ITGB3BP: variants seen among roughly 807,000 people sequenced by gnomAD.
ITGB3BP encodes the protein centromere protein R.
In ITGB3BP, 27 loss-of-function variants were observed where a neutral mutation model predicts 29.1. That is an observed-to-expected ratio of 0.93 (90% CI 0.68 to 1.28). The LOEUF (loss-of-function observed/expected upper bound fraction) is 1.28, where lower values mean the gene tolerates loss of function less well. ITGB3BP is among the 50% of genes most tolerant of loss of function. ITGB3BP has a pLI of 0.00. For missense variants in ITGB3BP, 192 were observed against 200.2 expected, an observed-to-expected ratio of 0.96 and a Z score of 0.25; for synonymous variants, 61 against 61.4, an observed-to-expected ratio of 0.99 and a Z score of 0.03.
At chr1:63,510,177 C>A (rs1281729538) in intron 1 of ITGB3BP, 16 of 509,796 alleles carry the variant, frequency 3.1e-5, no homozygotes, top group African/African-American at 1.2e-4. Flanking sequence ...GCAACGGGAG[C>A]AAAACTGTCT....
At chr1:63,445,924 G>A (rs975743612) in intron 8 of ITGB3BP, among the ~76,000 whole-genome samples, 3 of 151,872 alleles carry the variant, frequency 2.0e-5, no homozygotes, top group African/African-American at 7.3e-5. Context: ...TTTTTCCTGA[G>A]ACAGAGTTTC....
intron 4 of ITGB3BP, among the ~76,000 whole-genome samples, chr1:63,461,454 A>G (rs1330661804): frequency 6.6e-6 from 1 of 152,150 alleles, no homozygotes; most frequent in Admixed American, 6.5e-5. Flanking sequence ...TTGAAACACA[A>G]AAGCTTTTAC....
chr1:63,511,218 A>C (rs567676327), intron 1 of ITGB3BP, among the ~76,000 whole-genome samples: 7 of 152,314 alleles, frequency 4.6e-5, no homozygotes, highest in African/African-American at 1.7e-4. Context: ...TCAGAACCAC[A>C]ATGAAATATT....
chr1:63,447,177 G>A, intron 7 of ITGB3BP: 1 of 291,194 alleles, frequency 3.4e-6, no homozygotes, highest in Non-Finnish European at 6.5e-6. Context: ...ATATCCCTGA[G>A]GGCAGGACTA....
chr1:63,447,000 A>G (rs1164428220), intron 7 of ITGB3BP, 144 bp from the exon 8 acceptor site: 1 of 607,858 alleles, frequency 1.6e-6, no homozygotes, highest in Non-Finnish European at 3.0e-6. Context: ...CTCTAAGGCT[A>G]TAAATTCTCA....
At chr1:63,497,976 G>C (rs571018320) in intron 2 of ITGB3BP, among the ~76,000 whole-genome samples, 6 of 151,238 alleles carry the variant, frequency 4.0e-5, no homozygotes, top group Non-Finnish European at 8.8e-5. Context: ...TATTGGTATT[G>C]GGGAAAAAAA....
chr1:63,497,356 T>TA (rs1645812369), intron 2 of ITGB3BP, among the ~76,000 whole-genome samples: 1 of 152,172 alleles, frequency 6.6e-6, no homozygotes. Context: ...ATTCTGGACT[T>TA]AGAGACCTAG....
intron 2 of ITGB3BP, among the ~76,000 whole-genome samples, chr1:63,495,244 AAG>A (rs1645758727): frequency 6.6e-6 from 1 of 152,222 alleles, no homozygotes; most frequent in Admixed American, 6.5e-5. Flanking sequence ...CCATTTATTA[AAG>A]ACTTTCTTTT....
chr1:63,451,684 G>A (rs999764282), intron 7 of ITGB3BP: 2 of 151,914 alleles, frequency 1.3e-5, no homozygotes, highest in African/African-American at 2.4e-5. Flanking sequence ...AAAGAGGTAG[G>A]AAAAGCACTC....
chr1:63,521,067 T>C (rs6679695), intron 1 of ITGB3BP, among the ~76,000 whole-genome samples: 150,333 of 152,116 alleles, frequency 0.99, 74,306 homozygotes, highest in Middle Eastern at 1. Context: ...AAGTTTTTTC[T>C]GCTCAAGGTT....
chr1:63,443,390 C>A (rs1275429671), intron 8 of ITGB3BP, among the ~76,000 whole-genome samples: 1 of 151,990 alleles, frequency 6.6e-6, no homozygotes, highest in Non-Finnish European at 1.5e-5. Context: ...AGGGAAAAGG[C>A]ATGCTAGGTT....
At chr1:63,500,001 G>A (rs545968541) in intron 2 of ITGB3BP, among the ~76,000 whole-genome samples, 129 of 152,254 alleles carry the variant, frequency 8.5e-4, no homozygotes, top group Admixed American at 2.4e-3. Context: ...CAATGGGCAC[G>A]AAAAAGAAAT....
intron 4 of ITGB3BP, among the ~76,000 whole-genome samples, chr1:63,456,386 T>TGGGA (rs1644937360): frequency 5.3e-5 from 8 of 152,178 alleles, no homozygotes; most frequent in African/African-American, 1.4e-4. Context: ...AGAAGTCATC[T>TGGGA]GTCTGAGGCC....
At chr1:63,461,657 T>C (rs1038638385) in intron 4 of ITGB3BP, among the ~76,000 whole-genome samples, 4 of 152,226 alleles carry the variant, frequency 2.6e-5, no homozygotes, top group African/African-American at 9.6e-5. Context: ...TGCTGTGAGG[T>C]AGGAATCCAA....
chr1:63,466,815 G>A (rs2100559913), intron 4 of ITGB3BP, among the ~76,000 whole-genome samples: 1 of 152,274 alleles, frequency 6.6e-6, no homozygotes, highest in South Asian at 2.1e-4. Context: ...TGTCCTAAAT[G>A]TTTTATTAGG....
At chr1:63,526,492 A>G (rs951984594), upstream of ITGB3BP, among the ~76,000 whole-genome samples, 1 of 152,146 alleles carries the variant, frequency 6.6e-6, no homozygotes, top group Non-Finnish European at 1.5e-5. Context: ...ACCCTGACAT[A>G]TTTGTGCAGC....
intron 4 of ITGB3BP, among the ~76,000 whole-genome samples, chr1:63,478,270 C>T (rs1645375769): frequency 6.6e-6 from 1 of 152,148 alleles, no homozygotes; most frequent in Admixed American, 6.6e-5. Flanking sequence ...CCAGATTTTT[C>T]CTACGTAGAC....
chr1:63,509,412 T>C (rs1646149698), intron 1 of ITGB3BP, among the ~76,000 whole-genome samples: 2 of 152,230 alleles, frequency 1.3e-5, no homozygotes, highest in South Asian at 4.1e-4. Context: ...TTCCTGATTC[T>C]TGAGAAATAG....
chr1:63,478,831 T>C lies in ITGB3BP; in HGVS notation c.187A>G (p.Lys63Glu), dbSNP rs780703738. The C allele has an allele frequency of 8.1e-7, 1 of 1,227,990 alleles. No individual in the cohort carries two copies. Among genetic ancestry groups the C allele is most frequent in the African/African-American group, 1.6e-5 (1 of 64,124 alleles). 76.1% of individuals were successfully genotyped at this position (1,227,990 alleles called of 1,614,324 possible). ...CTGGGGTGATTCAATTTTTTTCTCT[T>C]TTCTATATATGTGTAATAAAGAAAA... The part of the protein sequence containing the change: ...QKHRNGLSNE[K>E]RKKLNHPSLT... The change falls in exon 4 of 9, where the codon AAG becomes GAG. Residue 63 changes from lysine to glutamate, a missense_variant and splice_region_variant. Coordinates refer to ENST00000271002, the MANE Select transcript of ITGB3BP (RefSeq NM_014288.5).
Sources: gnomAD v4.1 joint callset for allele counts (sites outside exome capture counted in the v4.1 genomes callset) on GRCh38, gnomAD v4.1.1 for gene constraint, MANE v1.5 for transcripts, NCBI Gene and HGNC (gene_info 2026-07-23, HGNC 2026-07-21) for gene names.